SAMM50: variants seen among roughly 807,000 people sequenced by gnomAD.
The protein encoded by SAMM50 is sorting and assembly machinery component 50 homolog.
In SAMM50, 47 loss-of-function variants were observed where a neutral mutation model predicts 66.9. That is an observed-to-expected ratio of 0.70 (90% CI 0.56 to 0.90). The LOEUF is 0.90. Ranked by LOEUF, SAMM50 falls within the 40% of genes least tolerant of loss-of-function variation. The pLI is 0.00. For missense variants in SAMM50, 535 were observed against 595.3 expected, an observed-to-expected ratio of 0.90 and a Z score of 1.05; for synonymous variants, 191 against 214.1, an observed-to-expected ratio of 0.89 and a Z score of 0.94.
In SAMM50 at chr22:43,996,328, C is replaced by A. The variant is rs966584845; in HGVS notation, c.1365-10C>A. 51 of 1,613,900 alleles carry A rather than the reference C, an allele frequency of 3.2e-5. No homozygotes were observed. Among genetic ancestry groups the A allele is most frequent in the Non-Finnish European group, 4.2e-5 (49 of 1,179,932 alleles). ...GCGGCCGCCGCATCTGATCTCTCCC[C>A]TTTTTTTAGGATATGTGATGGCGTC... On this transcript the variant is annotated splice_polypyrimidine_tract_variant and intron_variant, in intron 14 of 14. Transcript: ENST00000350028.
At position 43,982,570 on chromosome 22, in the gene SAMM50, C is replaced by T. The variant is rs1053128694; in HGVS notation, c.1007+1109C>T. 3.3e-5 allele frequency among the ~76,000 whole-genome samples: 5 copies of T among 152,146 alleles called. No homozygotes were observed. In the South Asian group the frequency reaches 8.3e-4, roughly 25 times the overall value. Reference sequence around the variant, plus strand: ...ATGCAGCAGGCAGAACCATTTCACTCGTTATGTTATATGCATCCTGGATCA... The same window carrying T: ...ATGCAGCAGGCAGAACCATTTCACTTGTTATGTTATATGCATCCTGGATCA... On this transcript the variant is annotated intron_variant, in intron 11 of 14. Transcript: ENST00000350028.
chr22:43,955,998 C>T (rs1446195122), intron 1 of SAMM50, among the ~76,000 whole-genome samples: 1 of 152,216 alleles, frequency 6.6e-6, no homozygotes, highest in South Asian at 2.1e-4. Flanking sequence ...AACAAGAATC[C>T]TTTGAAGTCT....
At chr22:43,986,908 CAA>C (rs2050297465) in intron 12 of SAMM50, 1 of 152,154 alleles carries the variant, frequency 6.6e-6, no homozygotes, top group Non-Finnish European at 1.5e-5. Flanking sequence ...TTATAAGCAA[CAA>C]CTACACTCTG....
intron 14 of SAMM50, among the ~76,000 whole-genome samples, chr22:43,993,223 A>T (rs953518591): frequency 2.4e-4 from 36 of 152,224 alleles, no homozygotes; most frequent in African/African-American, 8.7e-4. Context: ...GAAGCTTTAG[A>T]TACCGCTCTC....
Position 43,955,482 on chromosome 22 carries a change from T to C in SAMM50, c.-96T>C. ...GGGGTTTGTGGGAGTTGCCTTGACC[T>C]GCAGCTCCGCCACCGCGGACCCGCC... On this transcript the variant is annotated 5_prime_UTR_variant, in exon 1 of 15. Coordinates refer to ENST00000350028, the MANE Select transcript of SAMM50 (RefSeq NM_015380.5). 3 of 1,432,576 alleles carry C rather than the reference T, an allele frequency of 2.1e-6. No homozygotes were observed. The highest frequency in any genetic ancestry group is 2.9e-6 in the Non-Finnish European group (3 of 1,043,052). 88.7% of individuals were successfully genotyped at this position (1,432,576 alleles called of 1,614,324 possible).
chr22:43,968,662 G>C lies in SAMM50; in HGVS notation c.235-69G>C, dbSNP rs190785791. On this transcript the variant is annotated intron_variant, in intron 3 of 14. Coordinates refer to ENST00000350028, the MANE Select transcript of SAMM50 (RefSeq NM_015380.5). ...AATGGTAAACTACCAGCCTCGCCGTGTGGCTGCCATTTGCTGTTTCTGTAT... is the reference window on the plus strand; with the variant it reads ...AATGGTAAACTACCAGCCTCGCCGTCTGGCTGCCATTTGCTGTTTCTGTAT... 122 of 1,091,816 alleles carry C rather than the reference G, an allele frequency of 1.1e-4. No individual in the cohort carries two copies. The African/African-American group carries it at 1.6e-3, about 14-fold the overall frequency. The allele number at this position is 1,091,816 out of a possible 1,614,324, so 67.6% of individuals were successfully genotyped here.
intron 7 of SAMM50, 28 bp from the exon 8 acceptor site, chr22:43,976,027 G>A (rs376802043): frequency 1.1e-4 from 169 of 1,591,626 alleles, no homozygotes; most frequent in East Asian, 2.9e-4. Context: ...TGTGTGGTCC[G>A]GAAAGATGTC....
intron 11 of SAMM50, among the ~76,000 whole-genome samples, chr22:43,982,579 A>T (rs1203556541): frequency 6.6e-6 from 1 of 152,172 alleles, no homozygotes; most frequent in Non-Finnish European, 1.5e-5. Flanking sequence ...TCGTTATGTT[A>T]TATGCATCCT....
At chr22:43,957,666 A>G (rs1277021152) in intron 1 of SAMM50, among the ~76,000 whole-genome samples, 1 of 152,138 alleles carries the variant, frequency 6.6e-6, no homozygotes, top group African/African-American at 2.4e-5. Flanking sequence ...TCAAGTGATC[A>G]TCCCGCCTCG....
chr22:43,978,515 AG>A (rs1243082934), intron 10 of SAMM50, among the ~76,000 whole-genome samples: 2 of 151,318 alleles, frequency 1.3e-5, no homozygotes, highest in African/African-American at 4.9e-5. Context: ...TTATCATCTC[AG>A]GGCCTTGGAG....
intron 4 of SAMM50, among the ~76,000 whole-genome samples, chr22:43,971,750 G>T (rs1036633101): frequency 3.3e-5 from 5 of 151,728 alleles, no homozygotes; most frequent in African/African-American, 1.2e-4. Context: ...TTGCTCTGTC[G>T]TCCGGGCTGG....
At chr22:43,970,893 G>A (rs537660294) in intron 4 of SAMM50, among the ~76,000 whole-genome samples, 35 of 152,168 alleles carry the variant, frequency 2.3e-4, no homozygotes, top group African/African-American at 6.8e-4. Flanking sequence ...GGTGCCAGGC[G>A]GGGTGGCTCA....
In SAMM50 at chr22:43,955,613, G is replaced by T; in HGVS notation, c.21+15G>T. 3 of 1,587,742 alleles carry T rather than the reference G, an allele frequency of 1.9e-6. No individual in the cohort carries two copies. The highest frequency in any genetic ancestry group is 2.6e-6 in the Non-Finnish European group (3 of 1,168,098). On this transcript the variant is annotated intron_variant, in intron 1 of 14. Coordinates refer to ENST00000350028, the MANE Select transcript of SAMM50 (RefSeq NM_015380.5). ...TGCACGCCCGGGTAAGAGGCCCAGC[G>T]ACCCGCGGGCTGCGAGGCCTCTGGG...
intron 14 of SAMM50, 88 bp from the exon 15 acceptor site, chr22:43,996,250 A>G: frequency 2.1e-6 from 3 of 1,418,064 alleles, no homozygotes; most frequent in Non-Finnish European, 3.0e-6. Flanking sequence ...CGGAGGCGGC[A>G]CCTTCTGAGA....
rs191369595 is a variant in SAMM50, at chr22:43,969,187, C to G, written c.322+369C>G. 2.2e-3 allele frequency among the ~76,000 whole-genome samples: 330 copies of G among 152,220 alleles called. 2 individuals are homozygous for G. The highest frequency in any genetic ancestry group is 4.1e-3 in the Admixed American group (62 of 15,292). Reference sequence around the variant, plus strand: ...TGTGAAGCCCTGGACTCCACGGGGGCCTGAGAGTGACTCTGAAGGAGGGGG... The same window carrying G: ...TGTGAAGCCCTGGACTCCACGGGGGGCTGAGAGTGACTCTGAAGGAGGGGG... On this transcript the variant is annotated intron_variant, in intron 4 of 14. Coordinates refer to ENST00000350028, the MANE Select transcript of SAMM50 (RefSeq NM_015380.5).
At chr22:43,994,670 C>T (rs933653168) in intron 14 of SAMM50, among the ~76,000 whole-genome samples, 3 of 152,164 alleles carry the variant, frequency 2.0e-5, no homozygotes, top group East Asian at 1.9e-4. Flanking sequence ...AGACAGCGGC[C>T]GTGAGGGAGG....
Position 43,977,921 on chromosome 22 carries a change from T to G in SAMM50, c.899T>G (p.Phe300Cys). The G allele has an allele frequency of 1.2e-6, 2 of 1,613,542 alleles. No homozygotes were observed. The highest frequency in any genetic ancestry group is 1.7e-6 in the Non-Finnish European group (2 of 1,179,742). The change falls in exon 10 of 15, where the codon TTT becomes TGT. Residue 300 changes from phenylalanine to cysteine, a missense_variant. Phe to Cys is a radical substitution (Grantham distance 205). Transcript: ENST00000350028. Reference sequence around the variant, plus strand: ...GATGTGAGCTTCATCAAAGAAGATTTTGAACTTCAGTTGAACAAGCAACTC... The same window carrying G: ...GATGTGAGCTTCATCAAAGAAGATTGTGAACTTCAGTTGAACAAGCAACTC... ...GGDVSFIKED[F>C]ELQLNKQLIF...
chr22:43,965,808 CGTT>C (rs763392254), intron 3 of SAMM50, among the ~76,000 whole-genome samples: 10 of 151,880 alleles, frequency 6.6e-5, no homozygotes, highest in Non-Finnish European at 8.8e-5. Flanking sequence ...TGTGGTACCT[CGTT>C]GTACACACTT....
chr22:43,988,878 G>A, intron 12 of SAMM50: 1 of 402,458 alleles, frequency 2.5e-6, no homozygotes, highest in Non-Finnish European at 4.4e-6. Flanking sequence ...AACGACATTG[G>A]CTTTGTTTGC....
Sources: gnomAD v4.1 joint callset for allele counts (sites outside exome capture counted in the v4.1 genomes callset) on GRCh38, gnomAD v4.1.1 for gene constraint, MANE v1.5 for transcripts, NCBI Gene and HGNC (gene_info 2026-07-23, HGNC 2026-07-21) for gene names.